MSRB3: variants seen among roughly 807,000 people sequenced by gnomAD.
MSRB3 encodes methionine-R-sulfoxide reductase B3.
A neutral mutation model predicts 21.0 loss-of-function variants in MSRB3; 13 were observed. That is an observed-to-expected ratio of 0.62 (90% CI 0.40 to 0.98). The LOEUF (loss-of-function observed/expected upper bound fraction) is 0.98, where lower values mean the gene tolerates loss of function less well. Ranked by LOEUF, MSRB3 falls within the 50% of genes least tolerant of loss-of-function variation. MSRB3 has a pLI of 0.00. For missense variants in MSRB3, 199 were observed against 230.3 expected, an observed-to-expected ratio of 0.86 and a Z score of 0.88; for synonymous variants, 87 against 88.6, an observed-to-expected ratio of 0.98 and a Z score of 0.10.
At chr12:65,281,466 A>T (rs2136379943) in intron 1 of MSRB3, among the ~76,000 whole-genome samples, 1 of 152,282 alleles carries the variant, frequency 6.6e-6, no homozygotes, top group Non-Finnish European at 1.5e-5. Flanking sequence ...AAACTGGCCT[A>T]CCTTAGCCAG....
chr12:65,362,169 G>C (rs1260518962), intron 4 of MSRB3, among the ~76,000 whole-genome samples: 1 of 152,158 alleles, frequency 6.6e-6, no homozygotes, highest in Non-Finnish European at 1.5e-5. Context: ...AGAGTTGTGG[G>C]CTGGGATTTC....
chr12:65,372,019 C>T (rs577983768), intron 5 of MSRB3, among the ~76,000 whole-genome samples: 1 of 152,090 alleles, frequency 6.6e-6, no homozygotes, highest in Admixed American at 6.5e-5. Flanking sequence ...TTTGTTTTAC[C>T]TTTTTTTGCT....
chr12:65,454,404 A>G (rs988761064), intron 6 of MSRB3: 3 of 152,308 alleles, frequency 2.0e-5, no homozygotes, highest in African/African-American at 7.2e-5. Context: ...CAATTGGCTC[A>G]GTAAATTGAA....
chr12:65,405,476 C>T (rs1447982157), intron 5 of MSRB3, among the ~76,000 whole-genome samples: 5 of 151,234 alleles, frequency 3.3e-5, no homozygotes, highest in Non-Finnish European at 5.9e-5. Flanking sequence ...ATTCCTTATC[C>T]AGTCATTCAT....
chr12:65,352,763 T>C (rs1236286245), intron 4 of MSRB3, among the ~76,000 whole-genome samples: 2 of 150,780 alleles, frequency 1.3e-5, no homozygotes, highest in African/African-American at 4.9e-5. Flanking sequence ...ACAAGGGATG[T>C]GAAGGACCTC....
At chr12:65,427,584 C>T (rs541943259) in intron 5 of MSRB3, among the ~76,000 whole-genome samples, 2 of 152,220 alleles carry the variant, frequency 1.3e-5, no homozygotes, top group African/African-American at 4.8e-5. Flanking sequence ...TGAGTGGTGC[C>T]CATGGAGCAG....
chr12:65,283,928 C>T (rs1872192785), intron 1 of MSRB3: 1 of 152,164 alleles, frequency 6.6e-6, no homozygotes, highest in African/African-American at 2.4e-5. Flanking sequence ...ACACTAATTT[C>T]CTGTATGAAG....
chr12:65,410,228 A>G (rs76002849), intron 5 of MSRB3, among the ~76,000 whole-genome samples: 1,895 of 152,226 alleles, frequency 0.012, 38 homozygotes, highest in East Asian at 0.051. Flanking sequence ...TTATATATTA[A>G]GGATATTAGA....
intron 5 of MSRB3, among the ~76,000 whole-genome samples, chr12:65,388,837 C>T (rs1879324459): frequency 6.6e-6 from 1 of 152,130 alleles, no homozygotes; most frequent in Non-Finnish European, 1.5e-5. Context: ...GTTCGCTGCA[C>T]TCTAGCCTGG....
intron 1 of MSRB3, among the ~76,000 whole-genome samples, chr12:65,304,623 C>G (rs933733115): frequency 6.6e-6 from 1 of 152,098 alleles, no homozygotes; most frequent in Non-Finnish European, 1.5e-5. Flanking sequence ...AAAGGCAATG[C>G]GAAAGTGAGG....
At chr12:65,435,647 T>C (rs548816262) in intron 5 of MSRB3, among the ~76,000 whole-genome samples, 5 of 152,026 alleles carry the variant, frequency 3.3e-5, no homozygotes, top group African/African-American at 1.2e-4. Flanking sequence ...ATATTTTCTA[T>C]AAAGCACTTT....
intron 5 of MSRB3, among the ~76,000 whole-genome samples, chr12:65,408,700 C>G (rs181157385): frequency 2.6e-4 from 39 of 152,252 alleles, no homozygotes; most frequent in Admixed American, 1.1e-3. Context: ...CAGTCTCACC[C>G]TTCCCCATTT....
chr12:65,462,696 C>A (rs1883383541), intron 6 of MSRB3, among the ~76,000 whole-genome samples: 1 of 152,152 alleles, frequency 6.6e-6, no homozygotes, highest in Non-Finnish European at 1.5e-5. Flanking sequence ...AGTTTTACTG[C>A]CCATGAAAGC....
chr12:65,366,633 A>G (rs1878030457), intron 4 of MSRB3, among the ~76,000 whole-genome samples: 1 of 152,162 alleles, frequency 6.6e-6, no homozygotes, highest in Non-Finnish European at 1.5e-5. Flanking sequence ...ATGACTAATT[A>G]GATATTGGGG....
intron 5 of MSRB3, among the ~76,000 whole-genome samples, chr12:65,407,782 T>C (rs758449023): frequency 6.6e-6 from 1 of 152,342 alleles, no homozygotes; most frequent in African/African-American, 2.4e-5. Context: ...GAGGTTTCTA[T>C]TGACCTTTCT....
chr12:65,414,024 AG>A (rs1394713357), intron 5 of MSRB3, among the ~76,000 whole-genome samples: 1 of 152,070 alleles, frequency 6.6e-6, no homozygotes, highest in Non-Finnish European at 1.5e-5. Flanking sequence ...TAGTTGAGGG[AG>A]GTGGAGGAGG....
intron 4 of MSRB3, among the ~76,000 whole-genome samples, chr12:65,329,519 G>A (rs1489452928): frequency 6.6e-6 from 1 of 151,974 alleles, no homozygotes; most frequent in African/African-American, 2.4e-5. Context: ...GCATGGTGGT[G>A]TGCGCCTGTA....
chr12:65,335,219 A>T (rs142545465), intron 4 of MSRB3, among the ~76,000 whole-genome samples: 16 of 152,222 alleles, frequency 1.1e-4, no homozygotes, highest in African/African-American at 4.8e-5. Flanking sequence ...GGCCTGTCCA[A>T]GTTTTGGGAA....
intron 6 of MSRB3, chr12:65,454,113 G>T (rs527538348): frequency 6.6e-6 from 4 of 602,178 alleles, no homozygotes; most frequent in Admixed American, 2.9e-5. Context: ...GTGAGACCTC[G>T]TCTCTACAGA....
Sources: allele counts gnomAD v4.1 joint callset (sites outside exome capture counted in the v4.1 genomes callset), GRCh38; gene constraint gnomAD v4.1.1; transcripts MANE v1.5; gene names NCBI Gene and HGNC (gene_info 2026-07-23, HGNC 2026-07-21).